SHC4: variants seen among roughly 807,000 people sequenced by gnomAD.
SHC4 encodes the protein SHC-transforming protein 4.
In SHC4, 41 loss-of-function variants were observed where a neutral mutation model predicts 69.4. The observed-to-expected ratio is 0.59, with a 90% CI of 0.46 to 0.77. The LOEUF is 0.77. Ranked by LOEUF, SHC4 falls within the 30% of genes least tolerant of loss-of-function variation. SHC4 has a pLI of 0.00. For synonymous variants in SHC4, 318 were observed against 299.3 expected, an observed-to-expected ratio of 1.06 and a Z score of -0.64; for missense variants, 777 against 783.8, an observed-to-expected ratio of 0.99 and a Z score of 0.10.
intron 2 of SHC4, among the ~76,000 whole-genome samples, chr15:48,913,664 C>T (rs2141018160): frequency 6.6e-6 from 1 of 152,316 alleles, no homozygotes; most frequent in African/African-American, 2.4e-5. Flanking sequence ...CTAGAGAATT[C>T]CTTCTCCCTG....
At chr15:48,890,459 T>A (rs535252650) in intron 3 of SHC4, among the ~76,000 whole-genome samples, 1 of 152,280 alleles carries the variant, frequency 6.6e-6, no homozygotes, top group East Asian at 1.9e-4. Context: ...CAAGATGAGA[T>A]CCCATGCTCA....
chr15:48,955,007 T>C (rs1431395732), intron 1 of SHC4, among the ~76,000 whole-genome samples: 1 of 152,202 alleles, frequency 6.6e-6, no homozygotes, highest in Admixed American at 6.5e-5. Flanking sequence ...GAACAGCCTG[T>C]ACTAATCCTA....
intron 1 of SHC4, among the ~76,000 whole-genome samples, chr15:48,940,781 T>C (rs1415218478): frequency 6.6e-6 from 1 of 152,220 alleles, no homozygotes; most frequent in Non-Finnish European, 1.5e-5. Flanking sequence ...GAATGGTCAG[T>C]GTTCGTTATA....
chr15:48,918,730 C>A (rs1595757218), intron 2 of SHC4, among the ~76,000 whole-genome samples: 1 of 152,156 alleles, frequency 6.6e-6, no homozygotes, highest in Non-Finnish European at 1.5e-5. Flanking sequence ...TATTTCCATA[C>A]AAAACGTTAT....
chr15:48,962,416 G>A lies in SHC4; in HGVS notation c.585+15C>T. 6.6e-7 allele frequency: 1 copy of A among 1,513,128 alleles called. No individual in the cohort carries two copies. The highest frequency in any genetic ancestry group is 2.3e-5 in the East Asian group (1 of 43,868). 93.7% of individuals were successfully genotyped at this position (1,513,128 alleles called of 1,614,324 possible). The stretch of plus-strand genomic sequence containing the variant: ...CACGGAAGTTCTTAGAGGGCAGAGA[G>A]GAAAATGGACTTACCCTCACACAGT... On this transcript the variant is annotated intron_variant, in intron 1 of 11. Transcript: ENST00000332408.
intron 2 of SHC4, among the ~76,000 whole-genome samples, chr15:48,891,893 C>CG (rs1202172244): frequency 6.6e-6 from 1 of 152,006 alleles, no homozygotes; most frequent in Non-Finnish European, 1.5e-5. Context: ...CTCGCTCTGT[C>CG]GCCCAGGCTG....
chr15:48,849,994 G>C (rs1221743964), intron 9 of SHC4, among the ~76,000 whole-genome samples: 1 of 152,170 alleles, frequency 6.6e-6, no homozygotes. Context: ...CTTGAGGTCA[G>C]GAGTTTGAAG....
intron 2 of SHC4, among the ~76,000 whole-genome samples, chr15:48,917,794 T>C (rs1467056547): frequency 6.6e-6 from 1 of 152,006 alleles, no homozygotes; most frequent in Admixed American, 6.6e-5. Context: ...CTGCTCTATC[T>C]GAGTACTTTC....
Position 48,825,833 on chromosome 15 carries a change from C to T in SHC4, c.*138G>A. On this transcript the variant is annotated 3_prime_UTR_variant, in exon 12 of 12. Coordinates refer to ENST00000332408, the MANE Select transcript of SHC4 (RefSeq NM_203349.4). The stretch of plus-strand genomic sequence containing the variant: ...GTTAGTTCTTCATTTTATAGAGGAC[C>T]TGGTCCATGATGGTCTTGGAAAGAT... 9.8e-7 allele frequency: 1 copy of T among 1,015,874 alleles called. No homozygotes were observed. 62.9% of individuals were successfully genotyped at this position (1,015,874 alleles called of 1,614,324 possible).
chr15:48,906,858 T>C (rs550663653), intron 2 of SHC4, among the ~76,000 whole-genome samples: 2 of 152,248 alleles, frequency 1.3e-5, no homozygotes, highest in East Asian at 3.9e-4. Context: ...GCAGATGAAC[T>C]GAAAATTATT....
chr15:48,934,256 C>T (rs1287748289), intron 1 of SHC4, among the ~76,000 whole-genome samples: 1 of 151,962 alleles, frequency 6.6e-6, no homozygotes, highest in Non-Finnish European at 1.5e-5. Context: ...ACAAATAACC[C>T]AATTTAAAAA....
At chr15:48,927,032 G>A (rs1900866312) in intron 1 of SHC4, among the ~76,000 whole-genome samples, 2 of 151,976 alleles carry the variant, frequency 1.3e-5, no homozygotes, top group African/African-American at 4.8e-5. Context: ...CCAAGCCTTG[G>A]GTACCTTAAG....
chr15:48,870,705 G>C (rs559530378), intron 5 of SHC4, among the ~76,000 whole-genome samples: 27 of 151,794 alleles, frequency 1.8e-4, no homozygotes, highest in Non-Finnish European at 3.4e-4. Context: ...GTCTTGGTTT[G>C]ACATGCTTAA....
At chr15:48,848,143 G>A (rs1047331493) in intron 9 of SHC4, among the ~76,000 whole-genome samples, 1 of 152,084 alleles carries the variant, frequency 6.6e-6, no homozygotes, top group African/African-American at 2.4e-5. Flanking sequence ...ACTCTCTCCT[G>A]CCACAGTAGG....
At chr15:48,906,519 T>C (rs1900408533) in intron 2 of SHC4, among the ~76,000 whole-genome samples, 1 of 151,900 alleles carries the variant, frequency 6.6e-6, no homozygotes, top group Non-Finnish European at 1.5e-5. Flanking sequence ...CCACTCCCCT[T>C]CTCAATACAG....
At chr15:48,907,188 G>T (rs1264285820) in intron 2 of SHC4, among the ~76,000 whole-genome samples, 1 of 151,472 alleles carries the variant, frequency 6.6e-6, no homozygotes, top group South Asian at 2.1e-4. Flanking sequence ...CAATGATAAC[G>T]GTCATGGTGA....
chr15:48,855,542 GA>G (rs1482080263), intron 8 of SHC4, among the ~76,000 whole-genome samples: 1 of 152,126 alleles, frequency 6.6e-6, no homozygotes, highest in Admixed American at 6.6e-5. Flanking sequence ...GAGAAAGAGT[GA>G]AGATTGAGAC....
At position 48,824,391 on chromosome 15, in the gene SHC4, G is replaced by C. The variant is rs1380293231; in HGVS notation, c.*1580C>G. 6.6e-6 allele frequency: 1 copy of C among 151,164 alleles called. No homozygotes were observed. The highest frequency in any genetic ancestry group is 1.5e-5 in the Non-Finnish European group (1 of 67,860). The allele number at this position is 151,164 out of a possible 1,614,324, so 9.4% of individuals were successfully genotyped here. ...ATAGCCAAAATGAAATGGAGTCAAG[G>C]CAATATCCAGATAACTCAAGATTAA... On this transcript the variant is annotated 3_prime_UTR_variant, in exon 12 of 12. Coordinates refer to ENST00000332408, the MANE Select transcript of SHC4 (RefSeq NM_203349.4).
At chr15:48,956,687 A>G (rs191122270) in intron 1 of SHC4, among the ~76,000 whole-genome samples, 1 of 152,178 alleles carries the variant, frequency 6.6e-6, no homozygotes, top group African/African-American at 2.4e-5. Flanking sequence ...CACCCATGCC[A>G]GTATAACACC....
Sources: allele counts gnomAD v4.1 joint callset (sites outside exome capture counted in the v4.1 genomes callset), GRCh38; gene constraint gnomAD v4.1.1; transcripts MANE v1.5; gene names NCBI Gene and HGNC (gene_info 2026-07-23, HGNC 2026-07-21).